ZNF831: variants seen among roughly 807,000 people sequenced by gnomAD.
The protein encoded by ZNF831 is chromosome 20 open reading frame 174.
ZNF831 carries 59 observed loss-of-function variants against 95.8 expected under a neutral mutation model. The observed-to-expected ratio is 0.62, with a 90% CI of 0.50 to 0.77. The LOEUF (loss-of-function observed/expected upper bound fraction) is 0.77. Among genes scored for constraint, ZNF831 ranks in the 30% least tolerant of loss-of-function variants. The pLI, the probability that ZNF831 is intolerant of heterozygous loss-of-function variation, is 0.00. For missense variants in ZNF831, 2,205 were observed against 2,164.0 expected (o/e 1.02, Z -0.38); for synonymous variants, 961 against 925.5 (o/e 1.04, Z -0.70).
intron 1 of ZNF831, among the ~76,000 whole-genome samples, chr20:59,187,606 A>G (rs2146533572): frequency 6.6e-6 from 1 of 152,348 alleles, no homozygotes; most frequent in Non-Finnish European, 1.5e-5. Flanking sequence ...ATACTTTAAA[A>G]AAAAAATTGA....
intron 2 of ZNF831, among the ~76,000 whole-genome samples, chr20:59,158,567 C>T (rs1980667969): frequency 1.3e-5 from 2 of 152,134 alleles, no homozygotes; most frequent in Non-Finnish European, 2.9e-5. Flanking sequence ...TTAGCCTTCC[C>T]TGGAGGAGTT....
chr20:59,151,612 G>A (rs952074638), intron 2 of ZNF831, among the ~76,000 whole-genome samples: 4 of 152,210 alleles, frequency 2.6e-5, no homozygotes, highest in African/African-American at 9.6e-5. Flanking sequence ...CAGGTGAATC[G>A]CTGCCAGGTG....
chr20:59,226,199 G>T (rs540064985), intron 4 of ZNF831, among the ~76,000 whole-genome samples: 76 of 152,292 alleles, frequency 5.0e-4, no homozygotes, highest in Non-Finnish European at 1.0e-3. Context: ...TTCTCTAAAG[G>T]AGAACTGAGG....
In ZNF831 at chr20:59,257,233, C is replaced by A. The variant is rs904801380; in HGVS notation, c.*2490C>A. 6 of 152,208 alleles carry A rather than the reference C, an allele frequency of 3.9e-5. No individual in the cohort carries two copies. Among genetic ancestry groups the A allele is most frequent in the African/African-American group, 1.4e-4 (6 of 41,448 alleles). The allele number at this position is 152,208 out of a possible 1,614,324, so 9.4% of individuals were successfully genotyped here. ...ACAAAGGTAAAGCAGGTAGCGAAGCCACCTTGCTTCCCTGGTCTTTGCCTA... is the reference window on the plus strand; with the variant it reads ...ACAAAGGTAAAGCAGGTAGCGAAGCAACCTTGCTTCCCTGGTCTTTGCCTA... On this transcript the variant is annotated 3_prime_UTR_variant, in exon 6 of 6. Transcript: ENST00000371030.
chr20:59,249,358 A>G (rs1296494478), intron 4 of ZNF831, among the ~76,000 whole-genome samples: 1 of 151,624 alleles, frequency 6.6e-6, no homozygotes, highest in African/African-American at 2.4e-5. Context: ...ACTGCCTGTA[A>G]TACTCTCATT....
At chr20:59,246,599 T>C (rs1987620265) in intron 4 of ZNF831, among the ~76,000 whole-genome samples, 1 of 152,204 alleles carries the variant, frequency 6.6e-6, no homozygotes, top group South Asian at 2.1e-4. Context: ...ACTTGATGTC[T>C]GGACATGACA....
intron 3 of ZNF831, among the ~76,000 whole-genome samples, chr20:59,198,884 C>T (rs1429422951): frequency 6.6e-6 from 1 of 152,166 alleles, no homozygotes; most frequent in Non-Finnish European, 1.5e-5. Flanking sequence ...TCTTGCTCCT[C>T]ACATGGCTGG....
chr20:59,188,266 G>A (rs75150591), intron 1 of ZNF831, among the ~76,000 whole-genome samples: 1,654 of 152,222 alleles, frequency 0.011, 10 homozygotes, highest in Middle Eastern at 0.017. Flanking sequence ...CCCACCAGTC[G>A]TGTTTATGGG....
rs1988070519 is a variant in ZNF831, at chr20:59,254,374, T to C, written c.4665T>C (p.Asp1555=). 5 of 1,614,122 alleles carry C rather than the reference T, an allele frequency of 3.1e-6. No homozygotes were observed. Among genetic ancestry groups the C allele is most frequent in the Non-Finnish European group, 4.2e-6 (5 of 1,180,022 alleles). The part of the protein sequence containing the change: ...GRPSSGQRIS[D]SVPLESTEKT... ...CTTCATCTGGACAAAGAATTTCAGA[T>C]TCGGTTCCACTGGAGTCAACTGAAA... The change falls in exon 6 of 6, where the codon GAT becomes GAC. Residue 1555 remains aspartate (D), a synonymous_variant. Transcript: ENST00000371030. The surrounding 1 kb of genome is among the most constrained non-coding windows in gnomAD (Gnocchi z 4.5).
chr20:59,215,849 G>A (rs1205563608), intron 4 of ZNF831, among the ~76,000 whole-genome samples: 1 of 152,150 alleles, frequency 6.6e-6, no homozygotes, highest in East Asian at 1.9e-4. Flanking sequence ...TGCCATTAAG[G>A]GAACATGGCA....
Position 59,192,715 on chromosome 20 carries a change from G to T in ZNF831, c.1696G>T (p.Ala566Ser), listed in dbSNP as rs1983699330. The T allele has an allele frequency of 6.2e-7, 1 of 1,603,292 alleles. No individual in the cohort carries two copies. The highest frequency in any genetic ancestry group is 8.5e-7 in the Non-Finnish European group (1 of 1,175,852). The change falls in exon 2 of 6, where the codon GCG becomes TCG. Residue 566 changes from alanine (A) to serine (S), a missense_variant. Coordinates refer to ENST00000371030, the MANE Select transcript of ZNF831 (RefSeq NM_178457.3). This position sits in a 1 kb window ranked among gnomAD's most constrained non-coding sequence, Gnocchi z 5.2. The stretch of plus-strand genomic sequence containing the variant: ...TCCCCGGGCCCTGGTCAGACAGGCC[G>T]CGGTGGAGGACCTGCCAGGCACCCC... ...GHPRALVRQAAVEDLPGTPIG... is the reference protein window; with the variant it reads ...GHPRALVRQASVEDLPGTPIG...
chr20:59,143,885 G>T (rs1412813720), intron 1 of ZNF831, among the ~76,000 whole-genome samples: 2 of 152,222 alleles, frequency 1.3e-5, no homozygotes, highest in Non-Finnish European at 2.9e-5. Flanking sequence ...CTCCTTCAGA[G>T]TGAAGGTCAA....
At chr20:59,237,592 C>T (rs1987072030) in intron 4 of ZNF831, among the ~76,000 whole-genome samples, 1 of 152,184 alleles carries the variant, frequency 6.6e-6, no homozygotes, top group Non-Finnish European at 1.5e-5. Flanking sequence ...GGTGATGCAT[C>T]CCAGGTGTTG....
At chr20:59,143,813 T>G (rs1047898840) in intron 1 of ZNF831, among the ~76,000 whole-genome samples, 1 of 152,254 alleles carries the variant, frequency 6.6e-6, no homozygotes, top group African/African-American at 2.4e-5. Context: ...GGCCAAGGAT[T>G]TCTTTAAAAG....
chr20:59,175,671 T>G lies in ZNF831; in HGVS notation c.-37+11464T>G, dbSNP rs147330391. On this transcript the variant is annotated intron_variant, in intron 1 of 5. Coordinates refer to ENST00000371030, the MANE Select transcript of ZNF831 (RefSeq NM_178457.3). Reference sequence around the variant, plus strand: ...CCTTTGTTTCAAGCATATTTGTAAGTGTTCATGGGAACATTTTCATGATGG... The same window carrying G: ...CCTTTGTTTCAAGCATATTTGTAAGGGTTCATGGGAACATTTTCATGATGG... 3.3e-3 allele frequency among the ~76,000 whole-genome samples: 501 copies of G among 152,332 alleles called. 5 individuals are homozygous for G. The highest frequency in any genetic ancestry group is 3.1e-3 in the South Asian group (15 of 4,830).
intron 1 of ZNF831, among the ~76,000 whole-genome samples, chr20:59,188,690 GGT>G (rs1437489835): frequency 3.4e-5 from 5 of 146,434 alleles, no homozygotes; most frequent in African/African-American, 1.2e-4. Context: ...AAATAAATTG[GGT>G]TGTCTTTTGT....
chr20:59,178,923 C>G (rs1982384271), intron 1 of ZNF831, among the ~76,000 whole-genome samples: 1 of 152,182 alleles, frequency 6.6e-6, no homozygotes, highest in Admixed American at 6.5e-5. Context: ...AGAGCCCGCT[C>G]TCTTTTAAAC....
At chr20:59,126,133 A>G (rs1209385627) in intron 1 of ZNF831, among the ~76,000 whole-genome samples, 1 of 152,200 alleles carries the variant, frequency 6.6e-6, no homozygotes, top group Non-Finnish European at 1.5e-5. Context: ...AGATTTCTTT[A>G]GGAAATGCCA....
rs763677273 is a variant in ZNF831, at chr20:59,256,701, G to A, written c.*1958G>A. 3 of 152,166 alleles carry A rather than the reference G, an allele frequency of 2.0e-5. No homozygotes were observed. Among genetic ancestry groups the A allele is most frequent in the Non-Finnish European group, 2.9e-5 (2 of 68,044 alleles). 9.4% of individuals were successfully genotyped at this position (152,166 alleles called of 1,614,324 possible). A position where few individuals can be genotyped will look rare whatever the true frequency, so the allele number is the denominator to read the frequency against. On this transcript the variant is annotated 3_prime_UTR_variant, in exon 6 of 6. Coordinates refer to ENST00000371030, the MANE Select transcript of ZNF831 (RefSeq NM_178457.3). ...AATGGCTTGAAGATATTCCCCATGG[G>A]GAACCATTGCCACGGAGGCCTTGCA...
Sources: gnomAD v4.1 joint callset for allele counts (sites outside exome capture counted in the v4.1 genomes callset) on GRCh38, gnomAD v4.1.1 for gene constraint, Gnocchi (gnomAD v3.1) non-coding constraint, MANE v1.5 for transcripts, NCBI Gene and HGNC (gene_info 2026-07-23, HGNC 2026-07-21) for gene names.